Variants in L3MBTL4 observed in about 807,000 individuals in gnomAD.
The protein encoded by L3MBTL4 is L3MBTL histone methyl-lysine binding protein 4, also known as lethal(3)malignant brain tumor-like protein 4.
In L3MBTL4, 70 loss-of-function variants were observed where a neutral mutation model predicts 84.5. That is an observed-to-expected ratio of 0.83 (90% CI 0.68 to 1.01). The LOEUF is 1.01. Ranked by LOEUF, L3MBTL4 falls within the 50% of genes least tolerant of loss-of-function variation. The pLI is 0.00. For synonymous variants in L3MBTL4, 274 were observed against 259.8 expected (o/e 1.05, Z -0.52); for missense variants, 715 against 754.8 (o/e 0.95, Z 0.62).
At chr18:6,204,473 C>T (rs1389453106) in intron 12 of L3MBTL4, among the ~76,000 whole-genome samples, 1 of 152,174 alleles carries the variant, frequency 6.6e-6, no homozygotes, top group Non-Finnish European at 1.5e-5. Context: ...CTTGCATATA[C>T]CACCTGACAA....
At chr18:5,992,932 C>T (rs1381473253) in intron 16 of L3MBTL4, among the ~76,000 whole-genome samples, 2 of 152,194 alleles carry the variant, frequency 1.3e-5, no homozygotes, top group Admixed American at 1.3e-4. Flanking sequence ...CAACAACAGC[C>T]TAACACAAGG....
At chr18:6,027,812 T>C (rs2055582588) in intron 16 of L3MBTL4, among the ~76,000 whole-genome samples, 1 of 152,252 alleles carries the variant, frequency 6.6e-6, no homozygotes, top group Non-Finnish European at 1.5e-5. Context: ...TTTCATATGT[T>C]TGTTGTCCGC....
chr18:6,120,146 C>A (rs541176672), intron 14 of L3MBTL4, among the ~76,000 whole-genome samples: 1 of 152,296 alleles, frequency 6.6e-6, no homozygotes, highest in South Asian at 2.1e-4. Flanking sequence ...ACACTGAGGG[C>A]CTGAAACAGT....
intron 1 of L3MBTL4, among the ~76,000 whole-genome samples, chr18:6,328,782 A>G (rs2051860670): frequency 6.6e-6 from 1 of 152,226 alleles, no homozygotes. Flanking sequence ...TGGAAAAGTC[A>G]TCCAGTCACA....
intron 14 of L3MBTL4, among the ~76,000 whole-genome samples, chr18:6,119,108 A>G (rs1456043232): frequency 7.2e-6 from 1 of 139,812 alleles, no homozygotes; most frequent in African/African-American, 2.7e-5. Context: ...TTATCCCTGT[A>G]TTTTCACCAG....
intron 13 of L3MBTL4, among the ~76,000 whole-genome samples, chr18:6,158,025 T>A (rs2043171844): frequency 6.6e-6 from 1 of 152,186 alleles, no homozygotes; most frequent in South Asian, 2.1e-4. Context: ...ACTCAAGAAC[T>A]CACTCACTCC....
chr18:6,118,616 A>T (rs1409200510), intron 14 of L3MBTL4, among the ~76,000 whole-genome samples: 1 of 152,222 alleles, frequency 6.6e-6, no homozygotes, highest in Non-Finnish European at 1.5e-5. Flanking sequence ...GTTTTGTTGA[A>T]GACTTAAGTA....
At chr18:6,312,330 C>T (rs913997014) in intron 1 of L3MBTL4, among the ~76,000 whole-genome samples, 62 of 152,242 alleles carry the variant, frequency 4.1e-4, no homozygotes, top group Admixed American at 4.1e-3. Context: ...GTCCCCAGTG[C>T]TTTACGATGA....
intron 16 of L3MBTL4, among the ~76,000 whole-genome samples, chr18:6,076,343 G>T (rs2057854676): frequency 6.6e-6 from 1 of 152,156 alleles, no homozygotes; most frequent in African/African-American, 2.4e-5. Context: ...AAAGAAGTCA[G>T]ACATAAAAGT....
intron 13 of L3MBTL4, among the ~76,000 whole-genome samples, chr18:6,157,150 A>T (rs1468920935): frequency 1.3e-5 from 2 of 152,232 alleles, no homozygotes; most frequent in Non-Finnish European, 2.9e-5. Flanking sequence ...TTTTTAAAAA[A>T]CACAATATGC....
chr18:5,955,098 A>C lies in L3MBTL4; in HGVS notation c.*1122T>G, dbSNP rs2095219655. On this transcript the variant is annotated 3_prime_UTR_variant, in exon 19 of 19. Coordinates refer to ENST00000317931, the MANE Select transcript of L3MBTL4 (RefSeq NM_001330559.2). Reference sequence around the variant, plus strand: ...TGGGAGAGTATTTGTAGCTGTTACTACCTGTAAAAGTAGTAAGAAGTGTCA... The same window carrying C: ...TGGGAGAGTATTTGTAGCTGTTACTCCCTGTAAAAGTAGTAAGAAGTGTCA... 1 of 152,194 alleles carries C rather than the reference A, an allele frequency of 6.6e-6. No individual in the cohort carries two copies. The highest frequency in any genetic ancestry group is 1.5e-5 in the Non-Finnish European group (1 of 68,034). The allele number at this position is 152,194 out of a possible 1,614,324, so 9.4% of individuals were successfully genotyped here. A position where few individuals can be genotyped will look rare whatever the true frequency, so the allele number is the denominator to read the frequency against.
At chr18:6,402,504 T>A (rs2055554319) in intron 1 of L3MBTL4, among the ~76,000 whole-genome samples, 1 of 152,190 alleles carries the variant, frequency 6.6e-6, no homozygotes, top group Non-Finnish European at 1.5e-5. Context: ...CACACCTCTC[T>A]CTATTCTACA....
chr18:6,414,912 G>C (rs1380254260), upstream of L3MBTL4: 1 of 149,446 alleles, frequency 6.7e-6, no homozygotes, highest in Admixed American at 6.7e-5. This position sits in a 1 kb window ranked among gnomAD's most constrained non-coding sequence, Gnocchi z 5.4. Flanking sequence ...CGCGGTGCCC[G>C]GCGGGAGGGG....
At chr18:6,010,959 C>A (rs201989273) in intron 16 of L3MBTL4, among the ~76,000 whole-genome samples, 1 of 152,116 alleles carries the variant, frequency 6.6e-6, no homozygotes, top group Non-Finnish European at 1.5e-5. Flanking sequence ...TGACACCTTC[C>A]AAAATACAGA....
rs139975124 is a variant in L3MBTL4, at chr18:6,098,073, C to T, written c.1200-4545G>A. On this transcript the variant is annotated intron_variant, in intron 14 of 18. Coordinates refer to ENST00000317931, the MANE Select transcript of L3MBTL4 (RefSeq NM_001330559.2). ...TTACTGTTGCCAAACCCCTTGGATA[C>T]CAGATTCTGCTCCTCAGCTATACTC... Among the ~76,000 whole-genome samples, 530 of 152,258 alleles carry T rather than the reference C, an allele frequency of 3.5e-3. 1 individual carries two copies. The highest frequency in any genetic ancestry group is 5.8e-3 in the Non-Finnish European group (393 of 68,020).
intron 16 of L3MBTL4, among the ~76,000 whole-genome samples, chr18:6,037,469 C>T (rs1237750172): frequency 6.6e-6 from 1 of 152,210 alleles, no homozygotes; most frequent in Admixed American, 6.5e-5. Flanking sequence ...GTGATTCCTA[C>T]TCCAGTATCT....
intron 14 of L3MBTL4, among the ~76,000 whole-genome samples, chr18:6,104,337 A>G (rs1209163426): frequency 1.3e-5 from 2 of 152,236 alleles, no homozygotes; most frequent in Non-Finnish European, 2.9e-5. Flanking sequence ...ATGGCCATTG[A>G]TGCACAAAAG....
chr18:5,972,348 G>A (rs2052677784), intron 16 of L3MBTL4, among the ~76,000 whole-genome samples: 1 of 152,174 alleles, frequency 6.6e-6, no homozygotes, highest in Admixed American at 6.5e-5. Flanking sequence ...GGGAGTCCCT[G>A]GATAGGGAAT....
At chr18:6,281,085 G>C (rs764063552) in intron 4 of L3MBTL4, among the ~76,000 whole-genome samples, 4 of 152,160 alleles carry the variant, frequency 2.6e-5, no homozygotes, top group Non-Finnish European at 5.9e-5. Context: ...CTGATATTTA[G>C]TAAACTGTTC....
Sources: gnomAD v4.1 joint callset for allele counts (sites outside exome capture counted in the v4.1 genomes callset) on GRCh38, gnomAD v4.1.1 for gene constraint, Gnocchi (gnomAD v3.1) non-coding constraint, MANE v1.5 for transcripts, NCBI Gene and HGNC (gene_info 2026-07-23, HGNC 2026-07-21) for gene names.